Variants in SLC35F4 observed in about 807,000 individuals in gnomAD.
The protein encoded by SLC35F4 is solute carrier family 35 member F4.
A neutral mutation model predicts 44.2 loss-of-function variants in SLC35F4; 24 were observed. That is an observed-to-expected ratio of 0.54 (90% CI 0.39 to 0.76). The LOEUF (loss-of-function observed/expected upper bound fraction) is 0.76. Among genes scored for constraint, SLC35F4 ranks in the 30% least tolerant of loss-of-function variants. SLC35F4 has a pLI of 0.00. For missense variants in SLC35F4, 562 were observed against 586.1 expected (o/e 0.96, Z 0.42); for synonymous variants, 238 against 223.6 (o/e 1.06, Z -0.57).
At chr14:57,770,627 C>G (rs963337714) in intron 1 of SLC35F4, among the ~76,000 whole-genome samples, 3 of 152,126 alleles carry the variant, frequency 2.0e-5, no homozygotes, top group Non-Finnish European at 4.4e-5. Flanking sequence ...CTCCAAGGAC[C>G]CTGAACTGTG....
chr14:57,917,030 T>C (rs1298236418), intron 1 of SLC35F4, among the ~76,000 whole-genome samples: 1 of 152,038 alleles, frequency 6.6e-6, no homozygotes, highest in Non-Finnish European at 1.5e-5. Flanking sequence ...TGTTTGTTTG[T>C]TTGTTTTGGG....
intron 1 of SLC35F4, among the ~76,000 whole-genome samples, chr14:57,757,298 G>T (rs1254485458): frequency 1.3e-5 from 2 of 152,110 alleles, no homozygotes; most frequent in Non-Finnish European, 2.9e-5. Context: ...AATATTTAAA[G>T]CAGGTTTCCT....
chr14:57,865,714 G>T lies in SLC35F4; in HGVS notation c.103+9C>A. On this transcript the variant is annotated intron_variant, in intron 1 of 7. Coordinates refer to ENST00000556826, the MANE Select transcript of SLC35F4 (RefSeq NM_001306087.2). ...CCGCCTCGCGCAGGGCAGCCGCGCG[G>T]CGTCTTACTTTTCTGGCTGGAGTAA... 9.2e-6 allele frequency: 14 copies of T among 1,515,942 alleles called. No individual in the cohort carries two copies. The highest frequency in any genetic ancestry group is 1.2e-5 in the Non-Finnish European group (14 of 1,138,008). 93.9% of individuals were successfully genotyped at this position (1,515,942 alleles called of 1,614,324 possible).
At chr14:57,967,127 T>A (rs1294453183) in intron 1 of SLC35F4, among the ~76,000 whole-genome samples, 2 of 152,208 alleles carry the variant, frequency 1.3e-5, no homozygotes, top group Non-Finnish European at 2.9e-5. Context: ...TATGACAATC[T>A]TTTACTTTTC....
At chr14:57,860,812 A>G (rs1887618354) in intron 1 of SLC35F4, among the ~76,000 whole-genome samples, 3 of 152,158 alleles carry the variant, frequency 2.0e-5, no homozygotes, top group Non-Finnish European at 4.4e-5. Flanking sequence ...GAGACCTCTA[A>G]TTCATGGACC....
intron 1 of SLC35F4, among the ~76,000 whole-genome samples, chr14:57,871,571 C>T (rs553045316): frequency 6.6e-6 from 1 of 152,362 alleles, no homozygotes; most frequent in Non-Finnish European, 1.5e-5. Context: ...TTACTTGTCA[C>T]ACAAGCTTTC....
intron 1 of SLC35F4, among the ~76,000 whole-genome samples, chr14:57,873,758 T>C (rs11847582): frequency 0.069 from 10,122 of 145,858 alleles, 1,130 homozygotes; most frequent in African/African-American, 0.25. Flanking sequence ...CACACACACA[T>C]GACAAACCCT....
At chr14:57,734,459 G>A (rs991971655) in intron 1 of SLC35F4, among the ~76,000 whole-genome samples, 4 of 152,216 alleles carry the variant, frequency 2.6e-5, no homozygotes, top group Non-Finnish European at 4.4e-5. Context: ...TCACATACAC[G>A]TATAATTTTC....
chr14:57,660,151 T>C lies in SLC35F4; in HGVS notation c.104-66027A>G, dbSNP rs192937607. On this transcript the variant is annotated intron_variant, in intron 1 of 7. Coordinates refer to ENST00000556826, the MANE Select transcript of SLC35F4 (RefSeq NM_001306087.2). ...CTTGAGCATCCTAGAAAAATGAGACTCCACGAGAGGAAACAGGCATGGTTT... is the reference window on the plus strand; with the variant it reads ...CTTGAGCATCCTAGAAAAATGAGACCCCACGAGAGGAAACAGGCATGGTTT... Among the ~76,000 whole-genome samples, 628 of 152,234 alleles carry C rather than the reference T, an allele frequency of 4.1e-3. 1 individual carries two copies. The highest frequency in any genetic ancestry group is 0.014 in the African/African-American group (588 of 41,540).
chr14:57,633,729 T>C (rs184603927), intron 1 of SLC35F4, among the ~76,000 whole-genome samples: 1 of 152,200 alleles, frequency 6.6e-6, no homozygotes, highest in Non-Finnish European at 1.5e-5. Flanking sequence ...CTGTCTATTC[T>C]CCATCACTAT....
At chr14:57,564,932 A>G (rs1443497408) in intron 7 of SLC35F4, among the ~76,000 whole-genome samples, 4 of 152,002 alleles carry the variant, frequency 2.6e-5, no homozygotes, top group Admixed American at 6.6e-5. Flanking sequence ...AGCAACCACC[A>G]ATCTGCTTTT....
At chr14:57,875,011 G>A (rs531988639) in intron 1 of SLC35F4, among the ~76,000 whole-genome samples, 4 of 135,038 alleles carry the variant, frequency 3.0e-5, no homozygotes, top group South Asian at 4.4e-4. Flanking sequence ...TGATTTCATG[G>A]TGTCTTTAGA....
chr14:57,731,297 G>A (rs776152877), intron 1 of SLC35F4, among the ~76,000 whole-genome samples: 1 of 152,072 alleles, frequency 6.6e-6, no homozygotes, highest in Non-Finnish European at 1.5e-5. Flanking sequence ...ATAATATGCA[G>A]CAGGAGTTTA....
chr14:57,571,974 A>C lies in SLC35F4; in HGVS notation c.853T>G (p.Tyr285Asp). ...MAITGIVMMA[Y>D]ADNFHADSII... The stretch of plus-strand genomic sequence containing the variant: ...GAATCAGCGTGGAAATTATCTGCAT[A>C]TGCCATCATGACAATGCCGGTAATT... The change falls in exon 5 of 8, where the codon TAT becomes GAT. Residue 285 changes from tyrosine to aspartate, a missense_variant. By Grantham distance (160) the Tyr-to-Asp change is radical (BLOSUM62 -3). Transcript: ENST00000556826. 1 of 1,612,178 alleles carries C rather than the reference A, an allele frequency of 6.2e-7. No homozygotes were observed. Among genetic ancestry groups the C allele is most frequent in the Non-Finnish European group, 8.5e-7 (1 of 1,179,032 alleles).
chr14:57,879,995 G>T (rs1195584847), intron 1 of SLC35F4, among the ~76,000 whole-genome samples: 4 of 148,330 alleles, frequency 2.7e-5, no homozygotes, highest in African/African-American at 1.0e-4. Context: ...AGGAAGGAAG[G>T]AAGGAAAGAG....
chr14:57,653,905 C>T (rs2073872701), intron 1 of SLC35F4, among the ~76,000 whole-genome samples: 1 of 152,148 alleles, frequency 6.6e-6, no homozygotes, highest in African/African-American at 2.4e-5. Context: ...ACAGTTGGTT[C>T]CTTCTGAGGG....
chr14:57,678,910 C>T (rs757027118), intron 1 of SLC35F4, among the ~76,000 whole-genome samples: 8 of 152,004 alleles, frequency 5.3e-5, no homozygotes, highest in Non-Finnish European at 1.2e-4. Flanking sequence ...GACTTAGACT[C>T]CCACACAGTA....
In SLC35F4 at chr14:57,717,412, G is replaced by A. The variant is rs1204791560; in HGVS notation, c.104-123288C>T. Among the ~76,000 whole-genome samples, 5 of 152,210 alleles carry A rather than the reference G, an allele frequency of 3.3e-5. No homozygotes were observed. The South Asian group carries it at 6.2e-4, about 19-fold the overall frequency. On this transcript the variant is annotated intron_variant, in intron 1 of 7. Coordinates refer to ENST00000556826, the MANE Select transcript of SLC35F4 (RefSeq NM_001306087.2). ...AGCACTTTGGGAGGCCGAGACAGGC[G>A]GATCACGAGGTCAGGAGATCGAGAC...
At chr14:57,959,546 C>A (rs900792878) in intron 1 of SLC35F4, among the ~76,000 whole-genome samples, 3 of 152,170 alleles carry the variant, frequency 2.0e-5, no homozygotes, top group African/African-American at 7.2e-5. Flanking sequence ...CTCTAAAATG[C>A]ATGGCTGAAT....
Sources: allele counts gnomAD v4.1 joint callset (sites outside exome capture counted in the v4.1 genomes callset), GRCh38; gene constraint gnomAD v4.1.1; transcripts MANE v1.5; gene names NCBI Gene and HGNC (gene_info 2026-07-23, HGNC 2026-07-21).